The following MAP4 variants were observed in gnomAD, a reference collection of about 807,000 sequenced individuals.
MAP4 encodes the protein microtubule-associated protein 4.
A neutral mutation model predicts 170.2 loss-of-function variants in MAP4; 76 were observed. That is an observed-to-expected ratio of 0.45 (90% confidence interval 0.37 to 0.54). MAP4 has a LOEUF of 0.54. MAP4 is among the 20% of genes least tolerant of loss of function. MAP4 has a pLI of 0.00. For synonymous variants in MAP4, 909 were observed against 994.5 expected (o/e 0.91, Z 1.62); for missense variants, 2,506 against 2,748.0 (o/e 0.91, Z 1.97).
chr3:48,022,159 A>G (rs768098002), intron 1 of MAP4, among the ~76,000 whole-genome samples: 2 of 152,240 alleles, frequency 1.3e-5, no homozygotes, highest in African/African-American at 4.8e-5. Context: ...TCTACCTCAC[A>G]GTATATACAA....
At chr3:47,947,818 A>G (rs1449432591) in intron 3 of MAP4, among the ~76,000 whole-genome samples, 1 of 151,584 alleles carries the variant, frequency 6.6e-6, no homozygotes, top group Non-Finnish European at 1.5e-5. Context: ...AAAAAAAAAA[A>G]AGAAAAGAAA....
At chr3:48,060,796 C>T (rs2100134781) in intron 1 of MAP4, among the ~76,000 whole-genome samples, 1 of 151,966 alleles carries the variant, frequency 6.6e-6, no homozygotes, top group South Asian at 2.1e-4. Context: ...GCCAGTCTTA[C>T]AACCCAATCT....
At chr3:47,862,560 C>A (rs1006068312) in intron 17 of MAP4, among the ~76,000 whole-genome samples, 1 of 152,080 alleles carries the variant, frequency 6.6e-6, no homozygotes, top group Admixed American at 6.5e-5. Context: ...TCACTGCAAC[C>A]TCTGCCTCCC....
At chr3:47,925,116 A>G (rs909999264) in intron 4 of MAP4, among the ~76,000 whole-genome samples, 1 of 152,102 alleles carries the variant, frequency 6.6e-6, no homozygotes, top group Non-Finnish European at 1.5e-5. Context: ...GGCTGAAGCT[A>G]TGATATTTTC....
chr3:47,934,173 A>G (rs1294411910), intron 3 of MAP4, among the ~76,000 whole-genome samples: 1 of 152,202 alleles, frequency 6.6e-6, no homozygotes, highest in Admixed American at 6.6e-5. Flanking sequence ...ACTGGTGGTG[A>G]CCAGGCAGCA....
intron 17 of MAP4, among the ~76,000 whole-genome samples, chr3:47,859,232 TA>T (rs2061743827): frequency 6.6e-6 from 1 of 152,290 alleles, no homozygotes; most frequent in South Asian, 2.1e-4. Flanking sequence ...TGTCCTCTGG[TA>T]GGTACTGTGG....
At chr3:47,964,851 C>T (rs2100073882) in intron 3 of MAP4, among the ~76,000 whole-genome samples, 1 of 152,148 alleles carries the variant, frequency 6.6e-6, no homozygotes. Flanking sequence ...ATATGAGCTG[C>T]ATTTGTTTAT....
intron 10 of MAP4, among the ~76,000 whole-genome samples, chr3:47,896,033 T>C (rs993116724): frequency 1.4e-4 from 22 of 151,750 alleles, no homozygotes; most frequent in African/African-American, 4.8e-4. Flanking sequence ...AACAAGAAGT[T>C]CAAGCCCATA....
intron 3 of MAP4, among the ~76,000 whole-genome samples, chr3:47,937,656 C>CTT (rs71070243): frequency 3.6e-3 from 383 of 107,862 alleles, no homozygotes; most frequent in Non-Finnish European, 4.3e-3. Context: ...TTTTCTTCTT[C>CTT]TTTTTTTTTT....
chr3:48,017,048 GGATTACAGGCAT>G (rs1185091428), upstream of MAP4, among the ~76,000 whole-genome samples: 3 of 151,542 alleles, frequency 2.0e-5, no homozygotes, highest in African/African-American at 7.3e-5. Flanking sequence ...CAAAGTGCTG[GGATTACAGGCAT>G]GAGCCACCAT....
At chr3:47,861,823 C>T (rs762166600) in intron 17 of MAP4, among the ~76,000 whole-genome samples, 17 of 151,876 alleles carry the variant, frequency 1.1e-4, no homozygotes, top group Middle Eastern at 3.2e-3. Flanking sequence ...CACGCCACTG[C>T]ACTCCAGCCT....
intron 2 of MAP4, among the ~76,000 whole-genome samples, chr3:47,982,293 CAT>C (rs1333523453): frequency 6.6e-6 from 1 of 152,008 alleles, no homozygotes; most frequent in African/African-American, 2.4e-5. Context: ...GTAGCAGAAA[CAT>C]ATTAGCACAA....
At chr3:47,999,018 G>C (rs751080632) in intron 1 of MAP4, 139 bp from the exon 2 acceptor site, 1 of 621,520 alleles carries the variant, frequency 1.6e-6, no homozygotes, top group Non-Finnish European at 2.8e-6. Context: ...TCCCTCATTT[G>C]AAAGATGAGA....
chr3:47,948,674 T>G (rs2100061695), intron 3 of MAP4, among the ~76,000 whole-genome samples: 1 of 152,012 alleles, frequency 6.6e-6, no homozygotes, highest in Non-Finnish European at 1.5e-5. Context: ...CAGGCTGGAG[T>G]GCAGTGGCGC....
Position 47,853,319 on chromosome 3 carries a change from G to T in MAP4, c.6730C>A (p.Pro2244Thr). Residue 2244 changes from proline (P) to threonine (T), a missense_variant, in exon 20 of 21, where the codon CCG becomes ACG. Physicochemically the swap from Pro to Thr is conservative, Grantham distance 38 (BLOSUM62 -1). This residue lies in a region of MAP4 where 487 missense variants were observed against 511.6 expected (regional missense o/e 0.95). Coordinates refer to ENST00000683076, the MANE Select transcript of MAP4 (RefSeq NM_001385682.1). The stretch of plus-strand genomic sequence containing the variant: ...GGCTCCTCCCCAGCAGGGGGACCCG[G>T]ACACAGAGGAGCCTCGCTGCCACCG... ...EGGGSEAPLC[P>T]GPPAGEEPAI... 1.9e-6 allele frequency: 3 copies of T among 1,610,756 alleles called. No homozygotes were observed. Among genetic ancestry groups the T allele is most frequent in the South Asian group, 1.1e-5 (1 of 90,966 alleles).
intron 1 of MAP4, among the ~76,000 whole-genome samples, chr3:48,041,044 C>A (rs2100121401): frequency 6.6e-6 from 1 of 151,934 alleles, no homozygotes; most frequent in Admixed American, 6.6e-5. Flanking sequence ...CGTCAACAAT[C>A]CAAAAATGAT....
intron 10 of MAP4, 100 bp downstream of exon 10, chr3:47,902,850 C>T (rs925864925): frequency 3.8e-5 from 15 of 391,120 alleles, no homozygotes; most frequent in Non-Finnish European, 5.2e-5. Context: ...ATGGTTTTTT[C>T]ATCTGCTGAG....
chr3:47,918,546 T>C (rs1322322325), intron 6 of MAP4, among the ~76,000 whole-genome samples, 173 bp downstream of exon 6: 4 of 152,262 alleles, frequency 2.6e-5, no homozygotes, highest in Non-Finnish European at 5.9e-5. Context: ...CTAAGTGTTA[T>C]AGTTCAACAA....
intron 3 of MAP4, among the ~76,000 whole-genome samples, chr3:47,951,604 G>A (rs1203777181): frequency 3.3e-5 from 5 of 152,190 alleles, no homozygotes; most frequent in African/African-American, 1.2e-4. Flanking sequence ...CGCCAGCCTT[G>A]GCCTCCCGAG....
Sources: allele counts gnomAD v4.1 joint callset (sites outside exome capture counted in the v4.1 genomes callset), GRCh38; gene constraint gnomAD v4.1.1; regional missense constraint gnomAD v4.1.1; transcripts MANE v1.5; gene names NCBI Gene and HGNC (gene_info 2026-07-23, HGNC 2026-07-21).